The following AR variants were observed in gnomAD, a reference collection of about 807,000 sequenced individuals.
AR encodes dihydrotestosterone receptor.
Under a neutral mutation model 53.9 loss-of-function variants are expected in AR, and 8 were observed. The ratio of observed to expected loss-of-function variants is 0.15; its 90% CI spans 0.09 to 0.27. AR has a LOEUF of 0.27. AR is among the 10% of genes least tolerant of loss of function. The pLI is 1.00. For missense variants in AR, 639 were observed against 742.5 expected (o/e 0.86, Z 1.62); for synonymous variants, 359 against 316.4 (o/e 1.13, Z -1.43).
chrX:67,709,897 A>C (rs2076086492), intron 3 of AR, among the ~76,000 whole-genome samples: 1 of 112,069 alleles, frequency 8.9e-6, no homozygotes, highest in Admixed American at 9.5e-5. Flanking sequence ...TGAGGATGGA[A>C]AGGACCTTCA....
chrX:67,661,077 T>A (rs1926884491), intron 2 of AR, among the ~76,000 whole-genome samples: 1 of 112,016 alleles, frequency 8.9e-6, no homozygotes, highest in African/African-American at 3.3e-5. Context: ...TCCTGAGACT[T>A]TGCTGAAGTT....
chrX:67,621,667 G>C (rs1289504387), intron 1 of AR, among the ~76,000 whole-genome samples: 1 of 111,227 alleles, frequency 9.0e-6, no homozygotes, highest in Non-Finnish European at 1.9e-5. Context: ...TTTCATCCAT[G>C]TTCTTTCAAA....
intron 1 of AR, among the ~76,000 whole-genome samples, chrX:67,620,834 TTTGGGCCCC>T (rs746965711): frequency 1.1e-4 from 12 of 111,691 alleles, no homozygotes; most frequent in Non-Finnish European, 1.9e-5. Context: ...TATTTGTATC[TTTGGGCCCC>T]TAATGTATTG....
At chrX:67,637,093 T>A (rs1569290834) in intron 1 of AR, among the ~76,000 whole-genome samples, 2 of 111,656 alleles carry the variant, frequency 1.8e-5, no homozygotes, top group African/African-American at 6.5e-5. Context: ...TCGATTTCTT[T>A]AAAAAACATT....
At chrX:67,680,302 G>A (rs1447108758) in intron 2 of AR, among the ~76,000 whole-genome samples, 1 of 111,824 alleles carries the variant, frequency 8.9e-6, no homozygotes, top group Non-Finnish European at 1.9e-5. Flanking sequence ...TAAATGTACA[G>A]CAGGGAATGT....
intron 1 of AR, 82 bp downstream of exon 1, chrX:67,546,844 C>T: frequency 9.5e-7 from 1 of 1,049,100 alleles, no homozygotes; most frequent in Admixed American, 2.6e-5. Context: ...CGGCTCCTAC[C>T]TGCGCGAACA....
chrX:67,674,983 G>A (rs1401135351), intron 2 of AR, among the ~76,000 whole-genome samples: 1 of 110,807 alleles, frequency 9.0e-6, no homozygotes, highest in Non-Finnish European at 1.9e-5. Flanking sequence ...ATTATTCAGG[G>A]CCCAAGGGCT....
At chrX:67,619,899 C>T (rs1465116707) in intron 1 of AR, among the ~76,000 whole-genome samples, 1 of 110,820 alleles carries the variant, frequency 9.0e-6, no homozygotes, top group Non-Finnish European at 1.9e-5. Flanking sequence ...TGAGACACTT[C>T]TCCCAAGTGT....
At chrX:67,722,021 C>T (rs2147536416) in intron 6 of AR, 58 bp downstream of exon 6, 1 of 1,181,738 alleles carries the variant, frequency 8.5e-7, no homozygotes, top group Non-Finnish European at 1.1e-6. Flanking sequence ...CAGAGAGGAC[C>T]ACTTTTGCCA....
intron 2 of AR, among the ~76,000 whole-genome samples, chrX:67,674,385 G>A (rs1311005477): frequency 9.1e-6 from 1 of 110,441 alleles, no homozygotes. Flanking sequence ...TATACAATCA[G>A]TCAGTGGTGA....
In AR at chrX:67,662,575, G is replaced by A. The variant is rs866652059; in HGVS notation, c.1768+19168G>A. On this transcript the variant is annotated intron_variant, in intron 2 of 7. Coordinates refer to ENST00000374690, the MANE Select transcript of AR (RefSeq NM_000044.6). ...TGAGAGACAGTTTGTTATAATTTCT[G>A]TTCTTTTACATTTGCTGAGGAGTGC... 1.9e-3 allele frequency among the ~76,000 whole-genome samples: 216 copies of A among 111,467 alleles called. 1 individual carries two copies. Among genetic ancestry groups the A allele is most frequent in the African/African-American group, 6.6e-3 (203 of 30,644 alleles).
At chrX:67,698,968 T>A (rs917291208) in intron 3 of AR, among the ~76,000 whole-genome samples, 4 of 111,756 alleles carry the variant, frequency 3.6e-5, no homozygotes, top group African/African-American at 1.3e-4. Context: ...GTTTTATAAA[T>A]GAGGAAACTA....
intron 1 of AR, among the ~76,000 whole-genome samples, chrX:67,570,382 A>T (rs1000818309): frequency 5.4e-5 from 6 of 112,110 alleles, no homozygotes; most frequent in African/African-American, 1.3e-4. Context: ...TTTACTTGCC[A>T]GCTGCTATGG....
chrX:67,563,541 C>G (rs1034796897), intron 1 of AR, among the ~76,000 whole-genome samples: 10 of 111,727 alleles, frequency 9.0e-5, no homozygotes, highest in African/African-American at 2.3e-4. Context: ...TGGGAAAACG[C>G]TAGACTCTGG....
chrX:67,661,384 T>G (rs931451579), intron 2 of AR, among the ~76,000 whole-genome samples: 3 of 111,388 alleles, frequency 2.7e-5, no homozygotes, highest in African/African-American at 6.5e-5. Flanking sequence ...TTGAGATACG[T>G]CCCATCAATA....
chrX:67,584,974 G>A (rs150210931), intron 1 of AR, among the ~76,000 whole-genome samples: 2,397 of 111,533 alleles, frequency 0.021, 68 homozygotes, highest in African/African-American at 0.074. Context: ...AGTTGATGGC[G>A]GCCAGGCGCA....
intron 1 of AR, among the ~76,000 whole-genome samples, chrX:67,582,892 G>A (rs2040112493): frequency 9.0e-6 from 1 of 111,725 alleles, no homozygotes; most frequent in Non-Finnish European, 1.9e-5. Context: ...ATTAAAACAT[G>A]GATTAAAAGT....
intron 1 of AR, among the ~76,000 whole-genome samples, chrX:67,579,346 G>A (rs1241631817): frequency 5.4e-5 from 6 of 111,433 alleles, no homozygotes; most frequent in Non-Finnish European, 1.1e-4. Context: ...CTGTGGAAAG[G>A]ACTGCAGAAG....
At chrX:67,628,452 G>A (rs1159221523) in intron 1 of AR, among the ~76,000 whole-genome samples, 4 of 107,124 alleles carry the variant, frequency 3.7e-5, no homozygotes, top group Non-Finnish European at 7.8e-5. Context: ...TGTTATTGGT[G>A]TATAAGAATG....
Sources: gnomAD v4.1 joint callset for allele counts (sites outside exome capture counted in the v4.1 genomes callset) on GRCh38, gnomAD v4.1.1 for gene constraint, MANE v1.5 for transcripts, NCBI Gene and HGNC (gene_info 2026-07-23, HGNC 2026-07-21) for gene names.